The following PTPRN2 variants were observed in gnomAD, a reference collection of about 807,000 sequenced individuals.
PTPRN2 encodes receptor-type tyrosine-protein phosphatase N2.
A neutral mutation model predicts 118.8 loss-of-function variants in PTPRN2; 74 were observed. The observed-to-expected ratio is 0.62, with a 90% CI of 0.52 to 0.76. The LOEUF (loss-of-function observed/expected upper bound fraction) is 0.76, where lower values mean the gene tolerates loss of function less well. Among genes scored for constraint, PTPRN2 ranks in the 30% least tolerant of loss-of-function variants. The probability of loss-of-function intolerance (pLI) is 0.00; values close to 1 mark genes in which losing one functional copy is unlikely to be tolerated. For missense variants in PTPRN2, 1,481 were observed against 1,394.4 expected, an observed-to-expected ratio of 1.06 and a Z score of -0.99; for synonymous variants, 641 against 608.0, an observed-to-expected ratio of 1.05 and a Z score of -0.80.
intron 12 of PTPRN2, among the ~76,000 whole-genome samples, chr7:157,698,404 A>G (rs761931330): frequency 1.3e-5 from 2 of 152,244 alleles, no homozygotes; most frequent in Non-Finnish European, 2.9e-5. Flanking sequence ...GAACTCAATG[A>G]TGAGATAGAC....
intron 3 of PTPRN2, among the ~76,000 whole-genome samples, chr7:158,206,518 C>T (rs1827159792): frequency 6.6e-6 from 1 of 151,998 alleles, no homozygotes. Flanking sequence ...GTGGGGTGGC[C>T]ACAGAGGTGC....
At chr7:158,359,982 C>A (rs1044628749) in intron 2 of PTPRN2, among the ~76,000 whole-genome samples, 3 of 152,044 alleles carry the variant, frequency 2.0e-5, no homozygotes, top group African/African-American at 7.2e-5. Context: ...TTAAGAGCAG[C>A]GTGTGAAGGG....
intron 2 of PTPRN2, among the ~76,000 whole-genome samples, chr7:158,416,590 T>C (rs997950025): frequency 3.3e-5 from 5 of 152,112 alleles, no homozygotes; most frequent in Non-Finnish European, 1.5e-5. Context: ...AGAAGTGAAT[T>C]ATCAGAAGAA....
intron 2 of PTPRN2, among the ~76,000 whole-genome samples, chr7:158,360,050 C>CATCCTGGCA: frequency 1.4e-5 from 2 of 142,092 alleles, no homozygotes; most frequent in African/African-American, 5.5e-5. Flanking sequence ...AGTCCACCCA[C>CATCCTGGCA]ACCCAGGACG....
rs558125828 is a variant in PTPRN2 at position 157,841,655 on chromosome 7, T to C, written c.1788+57018A>G. ...CTTTGTGCTTCCTGGCCTGGCGGAC[T>C]CTGAGGCTCATGCATTATTCAGGAG... On this transcript the variant is annotated intron_variant, in intron 12 of 22. Coordinates refer to ENST00000389418, the MANE Select transcript of PTPRN2 (RefSeq NM_002847.5). 3.5e-4 allele frequency among the ~76,000 whole-genome samples: 53 copies of C among 152,326 alleles called. 2 individuals are homozygous for C. In the South Asian group the frequency reaches 0.011, roughly 32 times the overall value.
chr7:157,906,904 C>T (rs904022166), intron 11 of PTPRN2, among the ~76,000 whole-genome samples: 4 of 152,162 alleles, frequency 2.6e-5, no homozygotes, highest in Admixed American at 1.3e-4. Context: ...TTCTTTGGTT[C>T]TGGGACCTCT....
At position 158,138,284 on chromosome 7, in the gene PTPRN2, C is replaced by A. The variant is rs1207965985; in HGVS notation, c.1132+10G>T. On this transcript the variant is annotated intron_variant, in intron 7 of 22. Coordinates refer to ENST00000389418, the MANE Select transcript of PTPRN2 (RefSeq NM_002847.5). ...CCCCTGGGTGTGGGCACCCATGGCG[C>A]TGCAGTCACCTGGAAAGCTGTCTCC... 1 of 1,611,508 alleles carries A rather than the reference C, an allele frequency of 6.2e-7. No homozygotes were observed. The highest frequency in any genetic ancestry group is 1.7e-5 in the Admixed American group (1 of 59,996).
chr7:158,337,738 CA>C (rs1805961587), intron 2 of PTPRN2, among the ~76,000 whole-genome samples: 1 of 145,446 alleles, frequency 6.9e-6, no homozygotes, highest in Admixed American at 6.8e-5. Flanking sequence ...CACTCACAAC[CA>C]CACTCTCACC....
chr7:158,340,571 A>T (rs1174028103), intron 2 of PTPRN2, among the ~76,000 whole-genome samples: 3 of 117,402 alleles, frequency 2.6e-5, no homozygotes, highest in Non-Finnish European at 5.5e-5. Context: ...CCACAATCTC[A>T]CCATAAGAGC....
chr7:158,255,277 C>T (rs969286339), intron 3 of PTPRN2, among the ~76,000 whole-genome samples: 1 of 152,200 alleles, frequency 6.6e-6, no homozygotes, highest in Non-Finnish European at 1.5e-5. Context: ...ACCGTTTCTA[C>T]AAGCATCTCT....
chr7:157,711,683 C>T (rs1332056325), intron 12 of PTPRN2, among the ~76,000 whole-genome samples: 2 of 152,192 alleles, frequency 1.3e-5, no homozygotes, highest in South Asian at 2.1e-4. Flanking sequence ...GACAAGCCCC[C>T]GGGGTGGCCA....
At chr7:158,522,607 G>C (rs1167248366) in intron 1 of PTPRN2, among the ~76,000 whole-genome samples, 1 of 152,250 alleles carries the variant, frequency 6.6e-6, no homozygotes, top group East Asian at 1.9e-4. Flanking sequence ...CTGGTGACCA[G>C]ATGCACTTAC....
intron 1 of PTPRN2, among the ~76,000 whole-genome samples, chr7:158,557,174 C>T (rs1221910821): frequency 9.4e-5 from 12 of 127,482 alleles, no homozygotes; most frequent in Non-Finnish European, 1.3e-4. Flanking sequence ...GCAGGTCAGG[C>T]GGCTCCCGCG....
chr7:157,685,243 G>A (rs1017239242), intron 12 of PTPRN2, among the ~76,000 whole-genome samples: 1 of 152,058 alleles, frequency 6.6e-6, no homozygotes, highest in Non-Finnish European at 1.5e-5. Context: ...GCCCCAGCGC[G>A]GAGGCGACCC....
At chr7:158,023,418 CTGTG>C (rs1807047503) in intron 11 of PTPRN2, among the ~76,000 whole-genome samples, 1 of 152,094 alleles carries the variant, frequency 6.6e-6, no homozygotes, top group African/African-American at 2.4e-5. Flanking sequence ...TCTACTGTGG[CTGTG>C]TGTATTTTTC....
rs954295027 is a variant in PTPRN2, at chr7:157,560,830, T to G, written c.2902+8072A>C. ...TGTGAGGTCCCTTTCCCACTGGCCC[T>G]TCGTGTTTTCATGTTTCAGCCAAAC... On this transcript the variant is annotated intron_variant, in intron 21 of 22. Transcript: ENST00000389418. The surrounding 1 kb of genome is among the most constrained non-coding windows in gnomAD (Gnocchi z 6.7). Among the ~76,000 whole-genome samples, 1 of 152,194 alleles carries G rather than the reference T, an allele frequency of 6.6e-6. No homozygotes were observed. The highest frequency in any genetic ancestry group is 1.5e-5 in the Non-Finnish European group (1 of 68,020).
chr7:157,790,876 T>C (rs1483174984), intron 12 of PTPRN2, among the ~76,000 whole-genome samples: 2 of 152,158 alleles, frequency 1.3e-5, no homozygotes, highest in Non-Finnish European at 1.5e-5. Context: ...GGGGAAGACA[T>C]AAGTACATGA....
At chr7:158,063,137 G>A (rs940677927) in intron 11 of PTPRN2, among the ~76,000 whole-genome samples, 7 of 152,218 alleles carry the variant, frequency 4.6e-5, no homozygotes, top group Non-Finnish European at 7.3e-5. Context: ...ACACCAATCA[G>A]CACTCTGTGT....
chr7:158,177,593 T>C (rs1824331961), intron 5 of PTPRN2, among the ~76,000 whole-genome samples: 1 of 152,326 alleles, frequency 6.6e-6, no homozygotes, highest in African/African-American at 2.4e-5. Context: ...CTGTCCCTTA[T>C]AACCCAGTTT....
Sources: gnomAD v4.1 joint callset for allele counts (sites outside exome capture counted in the v4.1 genomes callset) on GRCh38, gnomAD v4.1.1 for gene constraint, Gnocchi (gnomAD v3.1) non-coding constraint, MANE v1.5 for transcripts, NCBI Gene and HGNC (gene_info 2026-07-23, HGNC 2026-07-21) for gene names.